KCNK2: variants seen among roughly 807,000 people sequenced by gnomAD.
The protein encoded by KCNK2 is potassium two pore domain channel subfamily K member 2.
In KCNK2, 21 loss-of-function variants were observed where a neutral mutation model predicts 40.5. That is an observed-to-expected ratio of 0.52 (90% CI 0.37 to 0.75). KCNK2 has a LOEUF of 0.75. Among genes scored for constraint, KCNK2 ranks in the 30% least tolerant of loss-of-function variants. KCNK2 has a pLI of 0.00. For synonymous variants in KCNK2, 191 were observed against 202.2 expected, an observed-to-expected ratio of 0.94 and a Z score of 0.47; for missense variants, 399 against 531.6, an observed-to-expected ratio of 0.75 and a Z score of 2.45.
chr1:215,165,531 A>G (rs575752873), intron 3 of KCNK2, among the ~76,000 whole-genome samples: 1 of 152,306 alleles, frequency 6.6e-6, no homozygotes, highest in Admixed American at 6.6e-5. Context: ...CTTTGCTTCT[A>G]CAAATATTAT....
At position 215,171,994 on chromosome 1, in the gene KCNK2, T is replaced by C; in HGVS notation, c.637-3T>C. On this transcript the variant is annotated splice_region_variant and splice_polypyrimidine_tract_variant and intron_variant, in intron 4 of 6. Transcript: ENST00000444842. ...TACACACACCTTTCTGTCTCATCCC[T>C]AGAAGTGGAATGTTAGTCAGACCAA... is the stretch of plus-strand genomic sequence containing the variant. 6.2e-7 allele frequency: 1 copy of C among 1,606,406 alleles called. No individual in the cohort carries two copies. Among genetic ancestry groups the C allele is most frequent in the Non-Finnish European group, 8.5e-7 (1 of 1,173,836 alleles).
chr1:215,212,720 G>C (rs1414786583), intron 6 of KCNK2, among the ~76,000 whole-genome samples: 3 of 152,132 alleles, frequency 2.0e-5, no homozygotes, highest in African/African-American at 7.2e-5. Flanking sequence ...GCTCAGAAAT[G>C]CTGGCTTCAC....
Position 215,086,402 on chromosome 1 carries a change from C to A in KCNK2, c.81C>A (p.Ala27=). ...CTGACTTGCTGGATCCTAAATCTGC[C>A]GCTCAGAACTCCAAACCGAGGCTCT... ...AAPDLLDPKS[A]AQNSKPRLSF... is the part of the protein sequence containing the mutation. The change falls in exon 2 of 7, where the codon GCC becomes GCA. Residue 27 remains alanine (A), a synonymous_variant. Coordinates refer to ENST00000444842, the MANE Select transcript of KCNK2 (RefSeq NM_001017425.3). 2.5e-6 allele frequency: 4 copies of A among 1,614,084 alleles called. No individual in the cohort carries two copies. In the South Asian group the frequency reaches 3.3e-5, roughly 13 times the overall value.
Position 215,191,003 on chromosome 1 carries a change from G to A in KCNK2, c.824-3950G>A, listed in dbSNP as rs73080072. Among the ~76,000 whole-genome samples the A allele has an allele frequency of 7.1e-3, 1,072 of 151,396 alleles. 12 individuals carry two copies. The highest frequency in any genetic ancestry group is 0.024 in the African/African-American group (999 of 41,218). On this transcript the variant is annotated intron_variant, in intron 5 of 6. Transcript: ENST00000444842. ...TTTTTTTTTTTTTAAGTCTTCTAGGGGCCAGGCATGGTGGCTCATGCCTGT... is the reference window on the plus strand; with the variant it reads ...TTTTTTTTTTTTTAAGTCTTCTAGGAGCCAGGCATGGTGGCTCATGCCTGT...
In KCNK2 at chr1:215,235,158, A is replaced by T. The variant is rs1666830614; in HGVS notation, c.*13A>T. On this transcript the variant is annotated 3_prime_UTR_variant, in exon 7 of 7. Transcript: ENST00000444842. ...GAACATCAAATAGCCCTCTCTTTAA[A>T]TAACCTTAGGCATAGCCATAGGTGA... 2 of 1,587,224 alleles carry T rather than the reference A, an allele frequency of 1.3e-6. No homozygotes were observed. Among genetic ancestry groups the T allele is most frequent in the East Asian group, 4.5e-5 (2 of 44,212 alleles).
intron 5 of KCNK2, among the ~76,000 whole-genome samples, chr1:215,191,635 C>T (rs76337688): frequency 6.6e-6 from 1 of 152,252 alleles, no homozygotes; most frequent in Non-Finnish European, 1.5e-5. Flanking sequence ...GATGAGTAGA[C>T]TTATTTTAAC....
At chr1:215,019,193 A>G (rs1056549956) in intron 1 of KCNK2, among the ~76,000 whole-genome samples, 4 of 152,164 alleles carry the variant, frequency 2.6e-5, no homozygotes, top group African/African-American at 9.7e-5. Context: ...TCTTCAAAGA[A>G]CAGCTGTCTA....
intron 1 of KCNK2, among the ~76,000 whole-genome samples, chr1:215,060,663 T>C (rs1463719817): frequency 6.6e-6 from 1 of 152,230 alleles, no homozygotes; most frequent in Non-Finnish European, 1.5e-5. Context: ...GGGAGCAGTG[T>C]GTGTTACTTT....
intron 3 of KCNK2, among the ~76,000 whole-genome samples, chr1:215,140,099 T>C (rs1323862399): frequency 6.6e-6 from 1 of 152,172 alleles, no homozygotes; most frequent in African/African-American, 2.4e-5. Flanking sequence ...TTCATTGACT[T>C]ATTAGGCTTC....
At chr1:215,124,559 TG>T (rs1661333850) in intron 2 of KCNK2, 73 bp from the exon 3 acceptor site, 1 of 850,146 alleles carries the variant, frequency 1.2e-6, no homozygotes, top group African/African-American at 1.7e-5. Context: ...AAGTCATTTC[TG>T]GGGTGGAATA....
At chr1:215,144,975 T>A (rs1195695894) in intron 3 of KCNK2, among the ~76,000 whole-genome samples, 1 of 152,198 alleles carries the variant, frequency 6.6e-6, no homozygotes, top group East Asian at 1.9e-4. Context: ...ACAGATTATT[T>A]GACTGAATAT....
At chr1:215,006,029 G>A (rs1418970530) in intron 1 of KCNK2, 6 of 1,255,972 alleles carry the variant, frequency 4.8e-6, no homozygotes. Context: ...AGATTTCCAA[G>A]CAAGTATTTG....
chr1:215,059,534 G>T (rs896810308), intron 1 of KCNK2, among the ~76,000 whole-genome samples: 4 of 152,114 alleles, frequency 2.6e-5, no homozygotes, highest in Admixed American at 2.0e-4. Context: ...TACTTTCAAT[G>T]TACACACAGT....
chr1:215,067,891 A>G (rs1461117089), intron 1 of KCNK2, among the ~76,000 whole-genome samples: 2 of 152,224 alleles, frequency 1.3e-5, no homozygotes, highest in East Asian at 3.9e-4. Context: ...TTCATATTTA[A>G]TATTTCAAAC....
chr1:215,052,966 A>T (rs1658038613), intron 1 of KCNK2, among the ~76,000 whole-genome samples: 1 of 152,014 alleles, frequency 6.6e-6, no homozygotes, highest in Admixed American at 6.6e-5. Context: ...TCAAAGTTGG[A>T]TGGTTGGATG....
chr1:215,160,467 G>C (rs1054363783), intron 3 of KCNK2, among the ~76,000 whole-genome samples: 14 of 152,136 alleles, frequency 9.2e-5, no homozygotes, highest in Admixed American at 5.2e-4. Flanking sequence ...CAGGCTCCAG[G>C]AGCACAGGTT....
At chr1:215,007,177 G>A (rs2924249) in intron 1 of KCNK2, among the ~76,000 whole-genome samples, 15,701 of 79,998 alleles carry the variant, frequency 0.2, 1,777 homozygotes, top group African/African-American at 0.36. Context: ...ATATATGTAT[G>A]TGTGTGGGTA....
At chr1:215,171,105 G>A (rs750522901) in intron 4 of KCNK2, among the ~76,000 whole-genome samples, 1 of 152,088 alleles carries the variant, frequency 6.6e-6, no homozygotes, top group African/African-American at 2.4e-5. Context: ...ATTTTCAGAT[G>A]GTGTAGTTTG....
chr1:215,198,537 G>C (rs1664959794), intron 6 of KCNK2, among the ~76,000 whole-genome samples: 2 of 152,058 alleles, frequency 1.3e-5, no homozygotes, highest in South Asian at 4.1e-4. Context: ...TTTTAGTTTT[G>C]AAATAACTCA....
Sources: gnomAD v4.1 joint callset for allele counts (sites outside exome capture counted in the v4.1 genomes callset) on GRCh38, gnomAD v4.1.1 for gene constraint, MANE v1.5 for transcripts, NCBI Gene and HGNC (gene_info 2026-07-23, HGNC 2026-07-21) for gene names.